Variants in SCHIP1 observed in about 807,000 individuals in gnomAD.
SCHIP1 encodes schwannomin interacting protein 1, also known as schwannomin-interacting protein 1.
SCHIP1 carries 8 observed loss-of-function variants against 29.7 expected under a neutral mutation model. That is an observed-to-expected ratio of 0.27 (90% CI 0.16 to 0.49). SCHIP1 has a LOEUF of 0.49. Ranked by LOEUF, SCHIP1 falls within the 20% of genes least tolerant of loss-of-function variation. The pLI is 0.99. For missense variants in SCHIP1, 193 were observed against 294.6 expected (o/e 0.66, Z 2.52); for synonymous variants, 76 against 94.9 (o/e 0.80, Z 1.16).
chr3:159,815,717 C>T, the SCHIP1 span, among the ~76,000 whole-genome samples: 1 of 152,138 alleles, frequency 6.6e-6, no homozygotes, highest in East Asian at 1.9e-4. Context: ...CCCTTCTATG[C>T]CAGTTCTCTC....
At chr3:159,410,918 A>G in the SCHIP1 span, among the ~76,000 whole-genome samples, 1 of 152,180 alleles carries the variant, frequency 6.6e-6, no homozygotes, top group Non-Finnish European at 1.5e-5. Flanking sequence ...TGTGGTACTT[A>G]TGCACCATGG....
the SCHIP1 span, among the ~76,000 whole-genome samples, chr3:159,364,249 AAAAAT>A: frequency 1.3e-5 from 2 of 152,216 alleles, no homozygotes; most frequent in African/African-American, 4.8e-5. Context: ...AATGGCCAAT[AAAAAT>A]AATATATGAG....
the SCHIP1 span, among the ~76,000 whole-genome samples, chr3:159,424,896 TA>T: frequency 0.19 from 29,143 of 152,036 alleles, 2,904 homozygotes; most frequent in Middle Eastern, 0.29. Flanking sequence ...TCAACATTTT[TA>T]AAGAAAAGGA....
chr3:159,738,991 A>G, the SCHIP1 span, among the ~76,000 whole-genome samples: 1 of 152,206 alleles, frequency 6.6e-6, no homozygotes, highest in Non-Finnish European at 1.5e-5. Flanking sequence ...GTAGGCTAGT[A>G]GGGGTTTCAG....
At chr3:159,529,147 G>A in the SCHIP1 span, among the ~76,000 whole-genome samples, 104 of 152,186 alleles carry the variant, frequency 6.8e-4, no homozygotes, top group Non-Finnish European at 1.1e-3. Context: ...CACTATTCAG[G>A]CATGTGTGAT....
At chr3:159,787,327 A>C in the SCHIP1 span, among the ~76,000 whole-genome samples, 2 of 152,312 alleles carry the variant, frequency 1.3e-5, no homozygotes, top group South Asian at 4.1e-4. Context: ...GAAGCTGCTG[A>C]GTCATCTCCC....
the SCHIP1 span, among the ~76,000 whole-genome samples, chr3:159,713,532 C>T: frequency 6.6e-6 from 1 of 152,136 alleles, no homozygotes. Context: ...TACATAAATG[C>T]ATATAGTAAA....
chr3:159,410,397 C>T, the SCHIP1 span, among the ~76,000 whole-genome samples: 7 of 151,814 alleles, frequency 4.6e-5, no homozygotes, highest in Non-Finnish European at 1.0e-4. Flanking sequence ...GGATTAATAA[C>T]CATAATATAT....
At chr3:159,288,282 A>G in the SCHIP1 span, among the ~76,000 whole-genome samples, 1 of 152,226 alleles carries the variant, frequency 6.6e-6, no homozygotes, top group East Asian at 1.9e-4. Flanking sequence ...TTTAAAAAAT[A>G]AATAACATAT....
At chr3:159,372,358 C>T in the SCHIP1 span, among the ~76,000 whole-genome samples, 2 of 151,814 alleles carry the variant, frequency 1.3e-5, no homozygotes, top group Non-Finnish European at 2.9e-5. Flanking sequence ...TTGGCACTGG[C>T]GTTAATAAAG....
chr3:159,716,595 T>C, the SCHIP1 span, among the ~76,000 whole-genome samples: 1 of 151,504 alleles, frequency 6.6e-6, no homozygotes, highest in Non-Finnish European at 1.5e-5. Context: ...GCAAGGAGTC[T>C]CTGATAAAAC....
the SCHIP1 span, among the ~76,000 whole-genome samples, chr3:159,458,469 T>C: frequency 2.0e-5 from 3 of 152,266 alleles, no homozygotes; most frequent in Admixed American, 2.0e-4. Context: ...CTTTGGCTCC[T>C]GGAAACTAAG....
At chr3:159,520,271 C>T in the SCHIP1 span, among the ~76,000 whole-genome samples, 1 of 151,936 alleles carries the variant, frequency 6.6e-6, no homozygotes, top group Non-Finnish European at 1.5e-5. Flanking sequence ...CTGAGTTGGA[C>T]CCAAAAGTGT....
At chr3:159,724,154 A>G in the SCHIP1 span, among the ~76,000 whole-genome samples, 1 of 152,082 alleles carries the variant, frequency 6.6e-6, no homozygotes, top group Non-Finnish European at 1.5e-5. Context: ...TTCTATAGGG[A>G]TTGACCATTT....
the SCHIP1 span, among the ~76,000 whole-genome samples, chr3:159,402,861 G>A: frequency 2.6e-5 from 4 of 151,898 alleles, no homozygotes; most frequent in African/African-American, 9.7e-5. Flanking sequence ...CAGCACACCA[G>A]CATGGCACAT....
the SCHIP1 span, among the ~76,000 whole-genome samples, chr3:159,415,041 T>G: frequency 6.6e-6 from 1 of 152,176 alleles, no homozygotes; most frequent in African/African-American, 2.4e-5. Flanking sequence ...TTTTCTTAAC[T>G]AGGCTAATTA....
the SCHIP1 span, among the ~76,000 whole-genome samples, chr3:159,638,138 C>G: frequency 1.3e-5 from 2 of 152,034 alleles, no homozygotes; most frequent in Non-Finnish European, 2.9e-5. Flanking sequence ...TTTGGACTGG[C>G]CTAGAAGATA....
the SCHIP1 span, among the ~76,000 whole-genome samples, chr3:159,288,380 A>C: frequency 2.0e-5 from 3 of 152,252 alleles, no homozygotes; most frequent in African/African-American, 7.2e-5. Context: ...CACAGTAAAA[A>C]ATGAAAATGA....
chr3:159,279,298 A>G, the SCHIP1 span, among the ~76,000 whole-genome samples: 1 of 152,146 alleles, frequency 6.6e-6, no homozygotes, highest in Non-Finnish European at 1.5e-5. Context: ...GCTGCCATGT[A>G]AGGTGTGCCT....
Sources: allele counts gnomAD v4.1 joint callset (sites outside exome capture counted in the v4.1 genomes callset), GRCh38; gene constraint gnomAD v4.1.1; transcripts MANE v1.5; gene names NCBI Gene and HGNC (gene_info 2026-07-23, HGNC 2026-07-21).